Variants in CCDC82 observed in about 807,000 individuals in gnomAD.
CCDC82 encodes coiled-coil domain containing 82, also known as coiled-coil domain-containing protein 82.
In CCDC82, 47 loss-of-function variants were observed where a neutral mutation model predicts 60.6. That is an observed-to-expected ratio of 0.77 (90% CI 0.61 to 0.99). The LOEUF (loss-of-function observed/expected upper bound fraction) is 0.99. Ranked by LOEUF, CCDC82 falls within the 50% of genes least tolerant of loss-of-function variation. The pLI, the probability that CCDC82 is intolerant of heterozygous loss-of-function variation, is 0.00. For missense variants in CCDC82, 588 were observed against 633.0 expected, an observed-to-expected ratio of 0.93 and a Z score of 0.76; for synonymous variants, 212 against 207.4, an observed-to-expected ratio of 1.02 and a Z score of -0.19.
At position 96,353,560 on chromosome 11, in the gene CCDC82, A is replaced by G; in HGVS notation, c.*86T>C. ...TGCCATGAAGATATAGATAAAATGT[A>G]CAAACATGTCACATGATACAGAAAA... On this transcript the variant is annotated 3_prime_UTR_variant, in exon 10 of 10. Coordinates refer to ENST00000646818, the MANE Select transcript of CCDC82 (RefSeq NM_024725.4). 9.7e-7 allele frequency: 1 copy of G among 1,034,274 alleles called. No homozygotes were observed. Among genetic ancestry groups the G allele is most frequent in the Non-Finnish European group, 1.5e-6 (1 of 671,026 alleles). The allele number at this position is 1,034,274 out of a possible 1,614,324, so 64.1% of individuals were successfully genotyped here. A position where few individuals can be genotyped will look rare whatever the true frequency, so the allele number is the denominator to read the frequency against.
At chr11:96,361,711 T>C (rs1014784382) in intron 8 of CCDC82, among the ~76,000 whole-genome samples, 1 of 152,230 alleles carries the variant, frequency 6.6e-6, no homozygotes, top group African/African-American at 2.4e-5. Flanking sequence ...CAGCTTACAC[T>C]GTAGGAATCA....
chr11:96,366,444 C>T (rs181497251), intron 7 of CCDC82, among the ~76,000 whole-genome samples: 1 of 152,320 alleles, frequency 6.6e-6, no homozygotes, highest in Admixed American at 6.5e-5. Context: ...TATCACCCAC[C>T]ACAATATGGT....
intron 9 of CCDC82, chr11:96,358,259 G>A (rs574046014): frequency 1.8e-6 from 2 of 1,082,806 alleles, no homozygotes; most frequent in African/African-American, 1.6e-5. Context: ...CATGTAACTA[G>A]ACTTGTTTTA....
chr11:96,353,457 C>T lies in CCDC82; in HGVS notation c.*189G>A, dbSNP rs2136037515. 3 of 525,518 alleles carry T rather than the reference C, an allele frequency of 5.7e-6. No individual in the cohort carries two copies. The highest frequency in any genetic ancestry group is 6.5e-5 in the East Asian group (2 of 30,712). The allele number at this position is 525,518 out of a possible 1,614,324, so 32.6% of individuals were successfully genotyped here. On this transcript the variant is annotated 3_prime_UTR_variant, in exon 10 of 10. Coordinates refer to ENST00000646818, the MANE Select transcript of CCDC82 (RefSeq NM_024725.4). Reference sequence around the variant, plus strand: ...AAAATTAAGATAATGCTTTTATGTACATCAGATAAAAGTTTAATTAGAGTG... The same window carrying T: ...AAAATTAAGATAATGCTTTTATGTATATCAGATAAAAGTTTAATTAGAGTG...
At position 96,386,285 on chromosome 11, in the gene CCDC82, ACTT is replaced by A. The variant is rs1215131640; in HGVS notation, c.-49_-47del. 1.3e-5 allele frequency: 2 copies of A among 152,626 alleles called. No individual in the cohort carries two copies. Among genetic ancestry groups the A allele is most frequent in the East Asian group, 3.9e-4 (2 of 5,184 alleles). The allele number at this position is 152,626 out of a possible 1,614,324, so 9.5% of individuals were successfully genotyped here. A position where few individuals can be genotyped will look rare whatever the true frequency, so the allele number is the denominator to read the frequency against. On this transcript the variant is annotated 5_prime_UTR_variant, in exon 3 of 10. Coordinates refer to ENST00000646818, the MANE Select transcript of CCDC82 (RefSeq NM_024725.4). ...ATGTTTCCAGCTTTCCAAGAGGATT[ACTT>A]TTTTCCTATAGATTGTGGAAGAGAG...
At chr11:96,377,376 A>ACACACG in intron 5 of CCDC82, among the ~76,000 whole-genome samples, 1 of 144,140 alleles carries the variant, frequency 6.9e-6, no homozygotes, top group African/African-American at 2.4e-5. Flanking sequence ...ACACACACAC[A>ACACACG]CATATTATGT....
At chr11:96,363,476 A>G (rs1239953660) in intron 8 of CCDC82, 1 of 152,204 alleles carries the variant, frequency 6.6e-6, no homozygotes, top group Non-Finnish European at 1.5e-5. Context: ...TAACGTTTAC[A>G]TATAGTTATA....
Position 96,370,862 on chromosome 11 carries a change from T to C in CCDC82, c.1209+151A>G, listed in dbSNP as rs544137257. The C allele has an allele frequency of 4.9e-6, 3 of 607,080 alleles. No individual in the cohort carries two copies. The Admixed American group carries it at 1.2e-4, about 24-fold the overall frequency. 37.6% of individuals were successfully genotyped at this position (607,080 alleles called of 1,614,324 possible). On this transcript the variant is annotated intron_variant, in intron 7 of 9. Coordinates refer to ENST00000646818, the MANE Select transcript of CCDC82 (RefSeq NM_024725.4). ...TAGTTAATGTGAAGGATTAAAACAA[T>C]AATAACTTTTAGAAGATGTGAGAAA... is the stretch of plus-strand genomic sequence containing the variant.
At chr11:96,375,203 C>A (rs1277757094) in intron 5 of CCDC82, among the ~76,000 whole-genome samples, 1 of 152,104 alleles carries the variant, frequency 6.6e-6, no homozygotes, top group African/African-American at 2.4e-5. Context: ...AACTATCATA[C>A]AAATTGCATA....
chr11:96,383,417 C>G lies in CCDC82; in HGVS notation c.843G>C (p.Glu281Asp). The change falls in exon 5 of 10, where the codon GAG (glutamate) becomes GAC (aspartate). Residue 281 changes from glutamate (E) to aspartate (D), a missense_variant. Glu to Asp is a conservative substitution (Grantham distance 45, BLOSUM62 2). Coordinates refer to ENST00000646818, the MANE Select transcript of CCDC82 (RefSeq NM_024725.4). ...CATCTTCATCAGATTCATAATTATCCTCTTCTTCCTCCTCATCAACTTCAT... is the reference window on the plus strand; with the variant it reads ...CATCTTCATCAGATTCATAATTATCGTCTTCTTCCTCCTCATCAACTTCAT... The part of the protein sequence containing the change: ...SSDEVDEEEE[E>D]DNYESDEDGD... The G allele has an allele frequency of 6.2e-7, 1 of 1,602,938 alleles. No individual in the cohort carries two copies. Among genetic ancestry groups the G allele is most frequent in the East Asian group, 2.2e-5 (1 of 44,558 alleles).
intron 7 of CCDC82, among the ~76,000 whole-genome samples, chr11:96,369,497 G>A (rs1399055157): frequency 1.3e-5 from 2 of 152,172 alleles, no homozygotes; most frequent in East Asian, 3.8e-4. Context: ...TGTGTCTTAA[G>A]GAATAAGGAT....
Position 96,373,364 on chromosome 11 carries a change from T to A in CCDC82, c.1084+11A>T, listed in dbSNP as rs1256578956. 2 of 1,509,184 alleles carry A rather than the reference T, an allele frequency of 1.3e-6. No individual in the cohort carries two copies. The highest frequency in any genetic ancestry group is 3.7e-5 in the Admixed American group (2 of 54,128). The allele number at this position is 1,509,184 out of a possible 1,614,324, so 93.5% of individuals were successfully genotyped here. The stretch of plus-strand genomic sequence containing the variant: ...TAAAAACCAATTGTTTCATTCATAG[T>A]ATTAACTTACCATATAATGTTCCCA... On this transcript the variant is annotated intron_variant, in intron 6 of 9. Coordinates refer to ENST00000646818, the MANE Select transcript of CCDC82 (RefSeq NM_024725.4).
intron 8 of CCDC82, among the ~76,000 whole-genome samples, chr11:96,362,061 A>G (rs1457051328): frequency 6.6e-6 from 1 of 152,224 alleles, no homozygotes; most frequent in Non-Finnish European, 1.5e-5. Context: ...TTGGAAATGG[A>G]GCTAAAAATT....
chr11:96,375,063 TTTTA>T (rs1233536415), intron 5 of CCDC82, among the ~76,000 whole-genome samples: 1 of 152,134 alleles, frequency 6.6e-6, no homozygotes, highest in African/African-American at 2.4e-5. Context: ...TATTGGGCAA[TTTTA>T]TTTGTGTTAA....
At chr11:96,389,410 C>T (rs1299344640) in intron 1 of CCDC82, 1 of 152,232 alleles carries the variant, frequency 6.6e-6, no homozygotes, top group African/African-American at 2.4e-5. Context: ...GCCCACTAGT[C>T]CGTCACTCTG....
rs185959891 is a variant in CCDC82 at position 96,370,893 on chromosome 11, A to G, written c.1209+120T>C. The G allele has an allele frequency of 1.1e-3, 864 of 805,002 alleles. 3 individuals carry two copies. The African/African-American group carries it at 0.013, about 12-fold the overall frequency. 49.9% of individuals were successfully genotyped at this position (805,002 alleles called of 1,614,324 possible). ...CTTTTAGAAGATGTGAGAAATAATA[A>G]GCTGATTATTTAACAAAGACATGCC... On this transcript the variant is annotated intron_variant, in intron 7 of 9. Transcript: ENST00000646818.
chr11:96,371,572 A>G (rs1481783586), intron 6 of CCDC82, among the ~76,000 whole-genome samples: 1 of 152,186 alleles, frequency 6.6e-6, no homozygotes, highest in East Asian at 1.9e-4. Flanking sequence ...ATAGAGTGAG[A>G]CTCCGTCTCA....
At chr11:96,370,683 A>G (rs1018734226) in intron 7 of CCDC82, among the ~76,000 whole-genome samples, 1 of 152,258 alleles carries the variant, frequency 6.6e-6, no homozygotes, top group East Asian at 1.9e-4. Flanking sequence ...CCAGCTTACA[A>G]CCCCTGATTC....
chr11:96,360,274 C>T (rs1833896151), intron 8 of CCDC82, among the ~76,000 whole-genome samples: 1 of 149,806 alleles, frequency 6.7e-6, no homozygotes, highest in Non-Finnish European at 1.5e-5. Context: ...GCAAGCTTGG[C>T]TCACTGCAAC....
Sources: gnomAD v4.1 joint callset for allele counts (sites outside exome capture counted in the v4.1 genomes callset) on GRCh38, gnomAD v4.1.1 for gene constraint, MANE v1.5 for transcripts, NCBI Gene and HGNC (gene_info 2026-07-23, HGNC 2026-07-21) for gene names.